Variants in TRIM66 observed in about 807,000 individuals in gnomAD.
TRIM66 encodes the protein tripartite motif-containing protein 66.
A neutral mutation model predicts 148.2 loss-of-function variants in TRIM66; 99 were observed. That is an observed-to-expected ratio of 0.67 (90% CI 0.57 to 0.79). The LOEUF (loss-of-function observed/expected upper bound fraction) is 0.79. TRIM66 is among the 30% of genes least tolerant of loss of function. The pLI is 0.00. For synonymous variants in TRIM66, 616 were observed against 635.9 expected, an observed-to-expected ratio of 0.97 and a Z score of 0.47; for missense variants, 1,666 against 1,697.9, an observed-to-expected ratio of 0.98 and a Z score of 0.33.
intron 15 of TRIM66, among the ~76,000 whole-genome samples, chr11:8,638,187 G>A (rs2036055173): frequency 6.6e-6 from 1 of 152,184 alleles, no homozygotes; most frequent in Admixed American, 6.5e-5. Context: ...CTTCACTGTG[G>A]ACAGAAAAGT....
Position 8,632,234 on chromosome 11 carries a change from G to A in TRIM66, c.2310+6420C>T, listed in dbSNP as rs181786857. The stretch of plus-strand genomic sequence containing the variant: ...GAGGCAGGAGAATTGCTTGAACCCA[G>A]GAGGCAGAGGTTGCAGTGAGCTGAG... On this transcript the variant is annotated intron_variant, in intron 15 of 24. Coordinates refer to ENST00000646038, the MANE Select transcript of TRIM66 (RefSeq NM_001388022.1). 1.0e-3 allele frequency among the ~76,000 whole-genome samples: 159 copies of A among 151,994 alleles called. 1 individual carries two copies. Among genetic ancestry groups the A allele is most frequent in the Non-Finnish European group, 1.9e-3 (127 of 67,976 alleles).
At chr11:8,662,628 C>G (rs530700295) in intron 6 of TRIM66, among the ~76,000 whole-genome samples, 1 of 152,226 alleles carries the variant, frequency 6.6e-6, no homozygotes, top group Non-Finnish European at 1.5e-5. Context: ...TCTGTGACTT[C>G]CAGCTACATC....
intron 6 of TRIM66, among the ~76,000 whole-genome samples, chr11:8,665,464 G>A (rs868577649): frequency 6.6e-6 from 1 of 152,150 alleles, no homozygotes; most frequent in Non-Finnish European, 1.5e-5. Flanking sequence ...TCTCTTCACT[G>A]TATTATTATC....
chr11:8,682,080 A>G (rs1215359780), intron 1 of TRIM66, among the ~76,000 whole-genome samples: 1 of 152,194 alleles, frequency 6.6e-6, no homozygotes, highest in Non-Finnish European at 1.5e-5. Context: ...GCATTTAGAA[A>G]AAGTATTTAC....
chr11:8,661,901 C>A (rs536140763), intron 6 of TRIM66, among the ~76,000 whole-genome samples: 2 of 152,294 alleles, frequency 1.3e-5, no homozygotes, highest in African/African-American at 2.4e-5. Context: ...TCTGTTCTAG[C>A]TATAGCCTTC....
chr11:8,664,381 G>A (rs1043156823), intron 6 of TRIM66, among the ~76,000 whole-genome samples: 2 of 152,114 alleles, frequency 1.3e-5, no homozygotes, highest in African/African-American at 2.4e-5. Flanking sequence ...CTAAGTGAGC[G>A]TGGACTCTCC....
At chr11:8,676,647 G>A (rs2039192066) in intron 3 of TRIM66, among the ~76,000 whole-genome samples, 1 of 152,214 alleles carries the variant, frequency 6.6e-6, no homozygotes, top group African/African-American at 2.4e-5. Context: ...TAATTTAAAG[G>A]CACAGCCACA....
chr11:8,682,499 A>G (rs1374836998), intron 1 of TRIM66, 102 bp downstream of exon 1: 2 of 466,946 alleles, frequency 4.3e-6, no homozygotes, highest in Non-Finnish European at 7.6e-6. Flanking sequence ...GGCGCCAGAA[A>G]AGGGCCTGGC....
At chr11:8,651,143 T>C (rs2037319501) in intron 7 of TRIM66, among the ~76,000 whole-genome samples, 1 of 152,224 alleles carries the variant, frequency 6.6e-6, no homozygotes, top group Non-Finnish European at 1.5e-5. Context: ...AAAGTTCTAC[T>C]AATTAAACTA....
At chr11:8,641,614 T>C (rs1338665507) in intron 13 of TRIM66, among the ~76,000 whole-genome samples, 1 of 152,072 alleles carries the variant, frequency 6.6e-6, no homozygotes, top group African/African-American at 2.4e-5. Context: ...GTTGAGCAAG[T>C]AGGACGGAAG....
intron 6 of TRIM66, among the ~76,000 whole-genome samples, chr11:8,664,231 G>GTA (rs1565564913): frequency 1.3e-5 from 2 of 152,100 alleles, no homozygotes; most frequent in Admixed American, 1.3e-4. Flanking sequence ...ACATCATGTT[G>GTA]TACACTGTAA....
At chr11:8,654,096 T>C (rs1485837305) in intron 6 of TRIM66, among the ~76,000 whole-genome samples, 1 of 152,184 alleles carries the variant, frequency 6.6e-6, no homozygotes, top group Non-Finnish European at 1.5e-5. Flanking sequence ...CATCAGTCAT[T>C]GTAACATGGC....
At chr11:8,676,484 G>A (rs946057448) in intron 3 of TRIM66, among the ~76,000 whole-genome samples, 6 of 152,172 alleles carry the variant, frequency 3.9e-5, no homozygotes, top group African/African-American at 1.4e-4. Context: ...GAGAACTACT[G>A]CATTAGACCT....
chr11:8,664,700 C>A (rs964391885), intron 6 of TRIM66, among the ~76,000 whole-genome samples: 3 of 152,156 alleles, frequency 2.0e-5, no homozygotes, highest in African/African-American at 7.2e-5. Context: ...TTGATTAAGT[C>A]ATTTATTCTA....
At chr11:8,625,477 G>GTGTGTA (rs1427437720) in intron 15 of TRIM66, among the ~76,000 whole-genome samples, 4 of 151,864 alleles carry the variant, frequency 2.6e-5, no homozygotes, top group African/African-American at 9.7e-5. Context: ...GTGTGTGTGT[G>GTGTGTA]TGTGTGTGTG....
At chr11:8,650,553 C>T (rs1315083860) in intron 7 of TRIM66, among the ~76,000 whole-genome samples, 1 of 152,078 alleles carries the variant, frequency 6.6e-6, no homozygotes, top group Non-Finnish European at 1.5e-5. Flanking sequence ...GCTGTTCACA[C>T]AAGTCCTGTG....
intron 3 of TRIM66, among the ~76,000 whole-genome samples, chr11:8,675,102 AT>A (rs1687503044): frequency 1.3e-5 from 2 of 152,250 alleles, no homozygotes; most frequent in African/African-American, 4.8e-5. Context: ...AGCATTGGTC[AT>A]TTGGAAAATA....
At chr11:8,664,920 C>A (rs2038493825) in intron 6 of TRIM66, among the ~76,000 whole-genome samples, 2 of 152,082 alleles carry the variant, frequency 1.3e-5, no homozygotes, top group South Asian at 4.1e-4. Context: ...TGAGCCCAGG[C>A]ACAGCCCCTC....
At chr11:8,618,580 G>T in intron 24 of TRIM66, 170 bp downstream of exon 24, 1 of 627,138 alleles carries the variant, frequency 1.6e-6, no homozygotes, top group South Asian at 2.0e-5. Flanking sequence ...GGCATTGATG[G>T]GCCCTGTACT....
Sources: allele counts gnomAD v4.1 joint callset (sites outside exome capture counted in the v4.1 genomes callset), GRCh38; gene constraint gnomAD v4.1.1; transcripts MANE v1.5; gene names NCBI Gene and HGNC (gene_info 2026-07-23, HGNC 2026-07-21).